The following DIP2B variants were observed in gnomAD, a reference collection of about 807,000 sequenced individuals.
The protein encoded by DIP2B is disco-interacting protein 2 homolog B.
Under a neutral mutation model 198.0 loss-of-function variants are expected in DIP2B, and 76 were observed. The observed-to-expected ratio is 0.38, with a 90% confidence interval of 0.32 to 0.46. The LOEUF (loss-of-function observed/expected upper bound fraction) is 0.46. DIP2B is among the 20% of genes least tolerant of loss of function. DIP2B has a pLI of 0.99. For missense variants in DIP2B, 1,559 were observed against 1,978.4 expected (o/e 0.79, Z 4.02); for synonymous variants, 701 against 739.1 (o/e 0.95, Z 0.84).
chr12:50,708,667 A>G (rs1261130120), intron 22 of DIP2B, 105 bp downstream of exon 22: 6 of 862,168 alleles, frequency 7.0e-6, no homozygotes, highest in Middle Eastern at 3.3e-4. Context: ...CTTCTTGCCA[A>G]TCATTGCTCA....
intron 1 of DIP2B, among the ~76,000 whole-genome samples, chr12:50,611,366 C>A (rs1959030332): frequency 6.6e-6 from 1 of 152,296 alleles, no homozygotes; most frequent in Admixed American, 6.5e-5. Flanking sequence ...GCTGCGAGAT[C>A]ATTTTTATTC....
chr12:50,745,122 C>T lies in DIP2B; in HGVS notation c.*283C>T. ...TGTTGCATTTTTTTCATCTGTTGTA[C>T]ATAGTTGTATTTTTATCTAATGCCA... On this transcript the variant is annotated 3_prime_UTR_variant, in exon 38 of 38. Coordinates refer to ENST00000301180, the MANE Select transcript of DIP2B (RefSeq NM_173602.3). 2.5e-6 allele frequency: 1 copy of T among 392,682 alleles called. No homozygotes were observed. Among genetic ancestry groups the T allele is most frequent in the Admixed American group, 4.1e-5 (1 of 24,554 alleles). 24.3% of individuals were successfully genotyped at this position (392,682 alleles called of 1,614,324 possible).
intron 36 of DIP2B, among the ~76,000 whole-genome samples, chr12:50,741,158 T>C (rs1940235156): frequency 6.6e-6 from 1 of 152,230 alleles, no homozygotes; most frequent in African/African-American, 2.4e-5. Flanking sequence ...ATTTCTGGTA[T>C]CATTTACAAA....
intron 28 of DIP2B, among the ~76,000 whole-genome samples, chr12:50,725,771 GT>G (rs1175885596): frequency 2.0e-5 from 3 of 151,940 alleles, no homozygotes; most frequent in Non-Finnish European, 4.4e-5. Context: ...ACTGAGGGAA[GT>G]TAAATAAGCA....
chr12:50,539,221 G>A (rs1245455737), intron 1 of DIP2B, among the ~76,000 whole-genome samples: 1 of 138,658 alleles, frequency 7.2e-6, no homozygotes, highest in African/African-American at 2.7e-5. Context: ...TAGGTAGCTC[G>A]CTCTTTTCTT....
intron 1 of DIP2B, among the ~76,000 whole-genome samples, chr12:50,597,658 C>T (rs929447090): frequency 6.6e-6 from 1 of 152,126 alleles, no homozygotes; most frequent in Admixed American, 6.6e-5. Flanking sequence ...GAGGGTGGCT[C>T]ATGCACATTT....
chr12:50,600,658 G>T (rs1183966765), intron 1 of DIP2B, among the ~76,000 whole-genome samples: 2 of 152,082 alleles, frequency 1.3e-5, no homozygotes, highest in Non-Finnish European at 2.9e-5. Context: ...TAAAATCTGG[G>T]TGTTGGTACT....
chr12:50,559,917 A>G (rs955255217), intron 1 of DIP2B, among the ~76,000 whole-genome samples: 1 of 152,166 alleles, frequency 6.6e-6, no homozygotes, highest in African/African-American at 2.4e-5. Flanking sequence ...GTGTACAAGT[A>G]TAAGCCGTGT....
intron 1 of DIP2B, among the ~76,000 whole-genome samples, chr12:50,558,522 C>T (rs1958490474): frequency 6.6e-6 from 1 of 152,090 alleles, no homozygotes; most frequent in African/African-American, 2.4e-5. Context: ...CTGTTTGCAG[C>T]ACTGTATTTC....
At position 50,723,301 on chromosome 12, in the gene DIP2B, C is replaced by A; in HGVS notation, c.3266C>A (p.Pro1089His). 1 of 1,614,152 alleles carries A rather than the reference C, an allele frequency of 6.2e-7. No individual in the cohort carries two copies. The highest frequency in any genetic ancestry group is 8.5e-7 in the Non-Finnish European group (1 of 1,180,022). ...GCTCAGAACCTCACGGCCACGCTGCCCACTGTCCGAATGATTGTTGATGTA... is the reference window on the plus strand; with the variant it reads ...GCTCAGAACCTCACGGCCACGCTGCACACTGTCCGAATGATTGTTGATGTA... Reference protein sequence around the residue: ...PHAQNLTATLPTVRMIVDVSK... With the variant: ...PHAQNLTATLHTVRMIVDVSK... The change falls in exon 27 of 38, where the codon CCC becomes CAC. Residue 1089 changes from proline to histidine, a missense_variant. Transcript: ENST00000301180.
At position 50,674,469 on chromosome 12, in the gene DIP2B, C is replaced by T. The variant is rs769677305; in HGVS notation, c.641-5C>T. 11 of 1,614,036 alleles carry T rather than the reference C, an allele frequency of 6.8e-6. No individual in the cohort carries two copies. The highest frequency in any genetic ancestry group is 9.3e-6 in the Non-Finnish European group (11 of 1,180,006). ...ATAATTCTAAACTTTGTTTTCTCCT[C>T]TCAGAGAATTTCTCTGCTCCTCCTG... On this transcript the variant is annotated splice_region_variant and splice_polypyrimidine_tract_variant and intron_variant, in intron 5 of 37. Transcript: ENST00000301180.
intron 1 of DIP2B, among the ~76,000 whole-genome samples, chr12:50,516,213 ATCTCTC>A (rs68059796): frequency 0.012 from 1,590 of 128,418 alleles, 18 homozygotes; most frequent in African/African-American, 0.03. Flanking sequence ...TAGAGGCACC[ATCTCTC>A]TCTCTCTCTC....
intron 27 of DIP2B, among the ~76,000 whole-genome samples, chr12:50,724,268 G>C (rs1939891650): frequency 6.6e-6 from 1 of 152,192 alleles, no homozygotes; most frequent in Non-Finnish European, 1.5e-5. Context: ...AGGTCACTTT[G>C]CATTTCTGTG....
At chr12:50,709,536 G>T (rs1290329392) in intron 22 of DIP2B, among the ~76,000 whole-genome samples, 3 of 152,064 alleles carry the variant, frequency 2.0e-5, no homozygotes, top group African/African-American at 4.8e-5. Flanking sequence ...TACTCGGGAG[G>T]CTGAGGCAGG....
intron 21 of DIP2B, 139 bp from the exon 22 acceptor site, chr12:50,708,308 AT>A (rs1386317195): frequency 3.0e-6 from 2 of 656,634 alleles, no homozygotes; most frequent in African/African-American, 1.8e-5. Flanking sequence ...TTTGAGAGTA[AT>A]GATTATGACA....
chr12:50,652,192 A>T (rs1938467558), intron 3 of DIP2B, among the ~76,000 whole-genome samples: 1 of 151,924 alleles, frequency 6.6e-6, no homozygotes, highest in Non-Finnish European at 1.5e-5. Flanking sequence ...AGGCACCTCT[A>T]ATCCCAGCTC....
At chr12:50,607,168 CATTT>C (rs1278677363) in intron 1 of DIP2B, among the ~76,000 whole-genome samples, 2 of 150,246 alleles carry the variant, frequency 1.3e-5, no homozygotes, top group East Asian at 2.0e-4. Context: ...GGGGAACTAA[CATTT>C]ATTTATTGAG....
At chr12:50,684,831 C>T (rs1939106949) in intron 10 of DIP2B, among the ~76,000 whole-genome samples, 1 of 151,868 alleles carries the variant, frequency 6.6e-6, no homozygotes, top group Admixed American at 6.6e-5. Flanking sequence ...GTGGCTTATG[C>T]CTGTAATCCT....
chr12:50,711,322 A>G lies in DIP2B; in HGVS notation c.2649+2760A>G, dbSNP rs114680270. Among the ~76,000 whole-genome samples the G allele has an allele frequency of 1.5e-3, 221 of 152,274 alleles. 2 individuals carry two copies. The highest frequency in any genetic ancestry group is 4.6e-3 in the African/African-American group (191 of 41,538). ...GTGTATAACATAAACTAAATACCTA[A>G]CTCAGCACTTTCTAAGGAAAGGCAG... On this transcript the variant is annotated intron_variant, in intron 22 of 37. Coordinates refer to ENST00000301180, the MANE Select transcript of DIP2B (RefSeq NM_173602.3).
Sources: gnomAD v4.1 joint callset for allele counts (sites outside exome capture counted in the v4.1 genomes callset) on GRCh38, gnomAD v4.1.1 for gene constraint, MANE v1.5 for transcripts, NCBI Gene and HGNC (gene_info 2026-07-23, HGNC 2026-07-21) for gene names.